The following PRKN variants were observed in gnomAD, a reference collection of about 807,000 sequenced individuals.
PRKN encodes parkin RBR E3 ubiquitin protein ligase.
Under a neutral mutation model 59.5 loss-of-function variants are expected in PRKN, and 56 were observed. That is an observed-to-expected ratio of 0.94 (90% CI 0.76 to 1.18). The LOEUF (loss-of-function observed/expected upper bound fraction) is 1.18. PRKN is among the 50% of genes most tolerant of loss of function. PRKN has a pLI of 0.00. For synonymous variants in PRKN, 250 were observed against 222.1 expected, an observed-to-expected ratio of 1.13 and a Z score of -1.12; for missense variants, 657 against 596.4, an observed-to-expected ratio of 1.10 and a Z score of -1.06.
intron 4 of PRKN, among the ~76,000 whole-genome samples, chr6:162,070,066 A>T (rs756781362): frequency 1.3e-5 from 2 of 152,184 alleles, no homozygotes; most frequent in Non-Finnish European, 2.9e-5. Flanking sequence ...TTCCAGTGAA[A>T]ATCTGTTAAT....
chr6:162,545,531 T>C (rs1472843149), intron 1 of PRKN, among the ~76,000 whole-genome samples: 2 of 152,112 alleles, frequency 1.3e-5, no homozygotes, highest in Non-Finnish European at 2.9e-5. Flanking sequence ...CCATCAGGCA[T>C]TTGGTTATTT....
intron 10 of PRKN, among the ~76,000 whole-genome samples, chr6:161,366,342 C>A (rs1270816663): frequency 6.6e-6 from 1 of 152,102 alleles, no homozygotes; most frequent in Non-Finnish European, 1.5e-5. Context: ...ACCAGAGCTG[C>A]TGAGGGGCCG....
chr6:161,605,267 T>C (rs949984985), intron 7 of PRKN, among the ~76,000 whole-genome samples: 4 of 152,184 alleles, frequency 2.6e-5, no homozygotes, highest in South Asian at 2.1e-4. Flanking sequence ...GTTCACATTC[T>C]TTTGTGAGAA....
At chr6:162,046,259 T>C (rs141575986) in intron 5 of PRKN, among the ~76,000 whole-genome samples, 30 of 152,360 alleles carry the variant, frequency 2.0e-4, no homozygotes, top group Admixed American at 5.9e-4. Flanking sequence ...AGTAAGACTT[T>C]TGAAGCCTCT....
At chr6:162,026,681 A>T (rs1783448821) in intron 5 of PRKN, among the ~76,000 whole-genome samples, 1 of 152,194 alleles carries the variant, frequency 6.6e-6, no homozygotes, top group Non-Finnish European at 1.5e-5. Flanking sequence ...TTCCCCCCAC[A>T]AATGGCATTC....
chr6:161,799,529 T>C (rs1790994567), intron 6 of PRKN, among the ~76,000 whole-genome samples: 1 of 152,120 alleles, frequency 6.6e-6, no homozygotes, highest in Non-Finnish European at 1.5e-5. Flanking sequence ...GACTTCCACA[T>C]AATGGAAAGG....
intron 9 of PRKN, among the ~76,000 whole-genome samples, chr6:161,537,254 C>G (rs981419617): frequency 2.6e-5 from 4 of 152,162 alleles, no homozygotes; most frequent in African/African-American, 9.7e-5. Context: ...TGGGAAATTT[C>G]TCTTTCAGGA....
intron 7 of PRKN, among the ~76,000 whole-genome samples, chr6:161,779,104 T>A (rs112010425): frequency 3.3e-5 from 5 of 152,122 alleles, no homozygotes; most frequent in African/African-American, 1.2e-4. Flanking sequence ...CACGCCTGGC[T>A]AATTTTTGTA....
chr6:161,526,705 C>G lies in PRKN; in HGVS notation c.1083+22149G>C, dbSNP rs552986868. ...TTCATTTGCAAATGTTTGCTAAGCACTGTAGGGGACAGAAAAGACTTTCTT... is the reference window on the plus strand; with the variant it reads ...TTCATTTGCAAATGTTTGCTAAGCAGTGTAGGGGACAGAAAAGACTTTCTT... On this transcript the variant is annotated intron_variant, in intron 9 of 11. Coordinates refer to ENST00000366898, the MANE Select transcript of PRKN (RefSeq NM_004562.3). This position sits in a 1 kb window ranked among gnomAD's most constrained non-coding sequence, Gnocchi z 4.1. Among the ~76,000 whole-genome samples, 43 of 152,162 alleles carry G rather than the reference C, an allele frequency of 2.8e-4. No individual in the cohort carries two copies. The South Asian group carries it at 8.7e-3, about 31-fold the overall frequency.
chr6:162,432,556 G>A (rs960399965), intron 2 of PRKN, among the ~76,000 whole-genome samples: 1 of 151,634 alleles, frequency 6.6e-6, no homozygotes. Flanking sequence ...AACAGAAACC[G>A]ACCTTTAAAA....
intron 1 of PRKN, among the ~76,000 whole-genome samples, chr6:162,679,725 C>A (rs1779696959): frequency 1.3e-5 from 2 of 152,118 alleles, no homozygotes; most frequent in African/African-American, 4.8e-5. Context: ...TTGATAATAA[C>A]CCCTTCTCAA....
chr6:161,714,082 C>T (rs181032636), intron 7 of PRKN, among the ~76,000 whole-genome samples: 1 of 152,254 alleles, frequency 6.6e-6, no homozygotes, highest in East Asian at 1.9e-4. Context: ...TCTTTATTGG[C>T]AACGTGAGAA....
intron 4 of PRKN, among the ~76,000 whole-genome samples, chr6:162,074,077 TC>T (rs1167505056): frequency 2.1e-5 from 3 of 145,644 alleles, no homozygotes; most frequent in East Asian, 2.0e-4. Context: ...GTGTGGCGAT[TC>T]CTCAAGGATC....
intron 1 of PRKN, among the ~76,000 whole-genome samples, chr6:162,655,693 T>G (rs541512450): frequency 1.3e-5 from 2 of 152,270 alleles, no homozygotes; most frequent in Admixed American, 6.5e-5. Context: ...TTTGGCACTG[T>G]GAGATAGATA....
chr6:161,886,449 C>T (rs145323143), intron 6 of PRKN, among the ~76,000 whole-genome samples: 2,898 of 152,200 alleles, frequency 0.019, 73 homozygotes, highest in African/African-American at 0.066. Context: ...GTAATCCCAG[C>T]ACTATAGGAG....
At chr6:162,278,356 T>C (rs960215807) in intron 2 of PRKN, among the ~76,000 whole-genome samples, 2 of 152,118 alleles carry the variant, frequency 1.3e-5, no homozygotes, top group Non-Finnish European at 2.9e-5. Flanking sequence ...GGTGATACTA[T>C]GTTGATGGAT....
chr6:161,590,548 C>CTGGTAAAGTGGGGT (rs1781681947), intron 7 of PRKN, among the ~76,000 whole-genome samples: 1 of 152,056 alleles, frequency 6.6e-6, no homozygotes, highest in African/African-American at 2.4e-5. Flanking sequence ...GTCTGGCCAA[C>CTGGTAAAGTGGGGT]ATAGTGAAAC....
At chr6:162,633,563 T>C (rs1024766204) in intron 1 of PRKN, among the ~76,000 whole-genome samples, 4 of 152,038 alleles carry the variant, frequency 2.6e-5, no homozygotes, top group African/African-American at 9.7e-5. Context: ...CTTCACACAT[T>C]TGGCTGATTT....
chr6:161,602,606 T>C (rs932542058), intron 7 of PRKN, among the ~76,000 whole-genome samples: 5 of 152,232 alleles, frequency 3.3e-5, no homozygotes, highest in African/African-American at 9.6e-5. Flanking sequence ...ATTTGCTCTC[T>C]GTAGACTGCT....
Sources: gnomAD v4.1 joint callset for allele counts (sites outside exome capture counted in the v4.1 genomes callset) on GRCh38, gnomAD v4.1.1 for gene constraint, Gnocchi (gnomAD v3.1) non-coding constraint, MANE v1.5 for transcripts, NCBI Gene and HGNC (gene_info 2026-07-23, HGNC 2026-07-21) for gene names.